The following PSRC1 variants were observed in gnomAD, a reference collection of about 807,000 sequenced individuals.
PSRC1 encodes proline and serine rich coiled-coil 1.
PSRC1 carries 30 observed loss-of-function variants against 31.9 expected under a neutral mutation model. That is an observed-to-expected ratio of 0.94 (90% CI 0.70 to 1.28). The LOEUF is 1.28. Among genes scored for constraint, PSRC1 ranks in the 50% most tolerant of loss-of-function variants. The probability of loss-of-function intolerance (pLI) is 0.00; values close to 1 mark genes in which losing one functional copy is unlikely to be tolerated. For synonymous variants in PSRC1, 191 were observed against 192.1 expected, an observed-to-expected ratio of 0.99 and a Z score of 0.05; for missense variants, 481 against 472.8, an observed-to-expected ratio of 1.02 and a Z score of -0.16.
In PSRC1 at chr1:109,281,844, G is replaced by A. The variant is rs1044979109; in HGVS notation, c.294C>T (p.Ser98=). The A allele has an allele frequency of 6.2e-6, 10 of 1,613,740 alleles. No homozygotes were observed. In the Admixed American group the frequency reaches 6.7e-5, roughly 11 times the overall value. The change falls in exon 4 of 7, where the codon AGC becomes AGT. Residue 98 remains serine (S), a synonymous_variant. Coordinates refer to ENST00000409138, the Ensembl canonical transcript of PSRC1. The stretch of plus-strand genomic sequence containing the variant: ...GGCGAGGCCCCAGGCCCTCGCCTGC[G>A]CTCTCCCGATCCTGCAGGGCACACT...
In PSRC1 at chr1:109,281,175, A is replaced by C. The variant is rs1410897111; in HGVS notation, c.596T>G (p.Val199Gly). The C allele has an allele frequency of 1.9e-6, 3 of 1,613,480 alleles. No individual in the cohort carries two copies. In the South Asian group the frequency reaches 3.3e-5, roughly 18 times the overall value. ...CCCACTGGGCCCGGCTCTCCCCCGGACTGGGGGAGTCGATCGGGTAAGAGG... is the reference window on the plus strand; with the variant it reads ...CCCACTGGGCCCGGCTCTCCCCCGGCCTGGGGGAGTCGATCGGGTAAGAGG... The change falls in exon 5 of 7, where the codon GTC (valine) becomes GGC (glycine). Residue 199 changes from valine (V) to glycine (G), a missense_variant. Transcript: ENST00000409138.
chr1:109,281,918 G>C, exon 4 of PSRC1: 1 of 1,607,942 alleles, frequency 6.2e-7, no homozygotes, highest in Middle Eastern at 1.7e-4. Flanking sequence ...ATCTCCTCCA[G>C]CTTCTCTGGA....
rs1657009611 is a variant in PSRC1 at position 109,281,065 on chromosome 1, G to A, written c.706C>T (p.Leu236Phe). 6.2e-7 allele frequency: 1 copy of A among 1,613,200 alleles called. No individual in the cohort carries two copies. Among genetic ancestry groups the A allele is most frequent in the Admixed American group, 1.7e-5 (1 of 59,970 alleles). ...GGTGGGCCTGGTGGAGAGGGGTGGA[G>A]AAATTTCAGGGTCAATCCCACAAAC... Residue 236 changes from leucine (L) to phenylalanine (F), a missense_variant, in exon 5 of 7, where the codon CTC (leucine) becomes TTC (phenylalanine). By Grantham distance (22) the Leu-to-Phe change is conservative. Coordinates refer to ENST00000409138, the Ensembl canonical transcript of PSRC1.
intron 4 of PSRC1, 151 bp from the exon 5 acceptor site, chr1:109,281,402 C>CATCACT: frequency 1.3e-6 from 1 of 752,642 alleles, no homozygotes; most frequent in Non-Finnish European, 2.1e-6. Context: ...TCACCATCAC[C>CATCACT]ATCACTATTG....
exon 5 of PSRC1, chr1:109,280,791 T>G: frequency 6.3e-7 from 1 of 1,578,770 alleles, no homozygotes; most frequent in Non-Finnish European, 8.6e-7. Flanking sequence ...GTGTCCACTT[T>G]CCCGCACTCT....
At chr1:109,282,412 G>A (rs957982207) in intron 3 of PSRC1, 106 bp downstream of exon 3, 7 of 1,081,286 alleles carry the variant, frequency 6.5e-6, no homozygotes, top group Middle Eastern at 2.3e-4. Context: ...CCCCAAGTGC[G>A]CCAAACCTTG....
chr1:109,281,003 A>G (rs1268374829), exon 5 of PSRC1: 28 of 1,608,910 alleles, frequency 1.7e-5, no homozygotes, highest in Non-Finnish European at 2.2e-5. Context: ...AGTTGCTGGT[A>G]GAAGGCTGTG....
At chr1:109,281,303 T>G in intron 4 of PSRC1, 52 bp from the exon 5 acceptor site, 1 of 1,422,562 alleles carries the variant, frequency 7.0e-7, no homozygotes, top group Non-Finnish European at 9.5e-7. Flanking sequence ...AAATATCTGT[T>G]CTGTGGCTTA....
chr1:109,280,046 G>C, exon 7 of PSRC1: 2 of 1,474,976 alleles, frequency 1.4e-6, no homozygotes, highest in Non-Finnish European at 1.9e-6. Flanking sequence ...TCTTCCTCCT[G>C]TCCCTGGGCC....
chr1:109,281,704 G>A (rs148605172), exon 4 of PSRC1: 58 of 1,614,024 alleles, frequency 3.6e-5, no homozygotes, highest in Middle Eastern at 3.3e-4. Context: ...GAGTCGAGGC[G>A]TCAGGCTGCT....
In PSRC1 at chr1:109,280,783, G is replaced by A. The variant is rs779333680; in HGVS notation, c.988C>T (p.His330Tyr). Reference sequence around the variant, plus strand: ...CTTCCTCCTGACCTCTTACCCTTGTGTCCACTTTCCCGCACTCTGTGTCCT... The same window carrying A: ...CTTCCTCCTGACCTCTTACCCTTGTATCCACTTTCCCGCACTCTGTGTCCT... Residue 330 changes from histidine to tyrosine, a missense_variant, in exon 5 of 7, where the codon CAC becomes TAC. Transcript: ENST00000409138. 9.6e-5 allele frequency: 150 copies of A among 1,566,876 alleles called. No homozygotes were observed. The highest frequency in any genetic ancestry group is 1.3e-4 in the Non-Finnish European group (147 of 1,150,726).
rs1309266753 is a variant in PSRC1, at chr1:109,281,268, G to A, written c.520-17C>T. 5 of 1,548,360 alleles carry A rather than the reference G, an allele frequency of 3.2e-6. No homozygotes were observed. The highest frequency in any genetic ancestry group is 4.5e-5 in the East Asian group (2 of 44,122). ...GGGTGACTCCTGAAACACAAAGAGAGAGAGAAAAAAGACTAGAGTGGAAAA... is the reference window on the plus strand; with the variant it reads ...GGGTGACTCCTGAAACACAAAGAGAAAGAGAAAAAAGACTAGAGTGGAAAA... On this transcript the variant is annotated splice_polypyrimidine_tract_variant and intron_variant, in intron 4 of 6. Coordinates refer to ENST00000409138, the Ensembl canonical transcript of PSRC1.
chr1:109,281,019 A>G lies in PSRC1; in HGVS notation c.752T>C (p.Leu251Pro), dbSNP rs1656994758. The change falls in exon 5 of 7, where the codon CTG (leucine) becomes CCG (proline). Residue 251 changes from leucine (L) to proline (P), a missense_variant. By Grantham distance (98) the Leu-to-Pro change is moderately conservative (BLOSUM62 -3). Coordinates refer to ENST00000409138, the Ensembl canonical transcript of PSRC1. ...GTTGCTGGTAGAAGGCTGTGGGGCC[A>G]GGACGGATCTGATGGGGGTGGGTGG... 1 of 1,546,298 alleles carries G rather than the reference A, an allele frequency of 6.5e-7. No individual in the cohort carries two copies. The highest frequency in any genetic ancestry group is 8.9e-7 in the Non-Finnish European group (1 of 1,126,834).
At chr1:109,281,038 T>A (rs1448869353) in exon 5 of PSRC1, 2 of 1,519,614 alleles carry the variant, frequency 1.3e-6, no homozygotes, top group Admixed American at 3.4e-5. Context: ...CTGATGGGGG[T>A]GGGTGGGCCT....
chr1:109,280,390 A>AT lies in PSRC1; in HGVS notation c.1088+5_1088+6insA. On this transcript the variant is annotated splice_donor_region_variant and intron_variant, in intron 6 of 6. Coordinates refer to ENST00000409138, the Ensembl canonical transcript of PSRC1. ...GACAGGATGGGCAAGGGAGGACCAG[A>AT]CTGACCTGGTAGGTCCTGGGACTGC... The AT allele has an allele frequency of 6.2e-7, 1 of 1,601,368 alleles. No homozygotes were observed. Among genetic ancestry groups the AT allele is most frequent in the South Asian group, 1.1e-5 (1 of 89,670 alleles).
chr1:109,279,979 C>G (rs941418895), exon 7 of PSRC1: 67 of 796,314 alleles, frequency 8.4e-5, no homozygotes, highest in Non-Finnish European at 6.1e-5. Context: ...CAGCTCAATC[C>G]TAATCCACCC....
At chr1:109,280,330 A>T (rs904186988) in intron 6 of PSRC1, 66 bp downstream of exon 7, 5 of 1,473,380 alleles carry the variant, frequency 3.4e-6, no homozygotes, top group Admixed American at 3.5e-5. Context: ...GATGTGCATA[A>T]CAGCTTGGAA....
intron 5 of PSRC1, 52 bp downstream of exon 6, chr1:109,280,725 A>G: frequency 7.0e-7 from 1 of 1,426,630 alleles, no homozygotes; most frequent in Non-Finnish European, 9.5e-7. Context: ...CAGCTCTGGG[A>G]GGGTGAGGAC....
chr1:109,281,162 G>T, exon 5 of PSRC1: 1 of 1,613,458 alleles, frequency 6.2e-7, no homozygotes, highest in Non-Finnish European at 8.5e-7. Context: ...CACTGGGCCC[G>T]GCTCTCCCCC....
Sources: allele counts gnomAD v4.1 joint callset, GRCh38; gene constraint gnomAD v4.1.1; transcripts MANE v1.5; gene names NCBI Gene and HGNC (gene_info 2026-07-23, HGNC 2026-07-21).